The following CNTNAP2 variants were observed in gnomAD, a reference collection of about 807,000 sequenced individuals.
CNTNAP2 encodes the protein contactin-associated protein-like 2.
In CNTNAP2, 98 loss-of-function variants were observed where a neutral mutation model predicts 155.2. The observed-to-expected ratio is 0.63, with a 90% confidence interval of 0.54 to 0.75. CNTNAP2 has a LOEUF of 0.75. Ranked by LOEUF, CNTNAP2 falls within the 30% of genes least tolerant of loss-of-function variation. The pLI is 0.00. For synonymous variants in CNTNAP2, 651 were observed against 631.2 expected, an observed-to-expected ratio of 1.03 and a Z score of -0.47; for missense variants, 1,727 against 1,688.1, an observed-to-expected ratio of 1.02 and a Z score of -0.40.
chr7:147,507,967 G>A (rs368112187), intron 11 of CNTNAP2, among the ~76,000 whole-genome samples: 4 of 152,076 alleles, frequency 2.6e-5, no homozygotes, highest in African/African-American at 9.6e-5. Flanking sequence ...TTTTTCTTTA[G>A]CCTTGTCCTC....
chr7:148,048,501 G>A lies in CNTNAP2; in HGVS notation c.2384-69617G>A, dbSNP rs1218995778. On this transcript the variant is annotated intron_variant, in intron 15 of 23. Transcript: ENST00000361727. ...TTCACAGAATCCAGTCCAATGGCAG[G>A]GAGGCTGGGTGAGGGTCAGTGTCAG... is the stretch of plus-strand genomic sequence containing the variant. Among the ~76,000 whole-genome samples, 4 of 152,144 alleles carry A rather than the reference G, an allele frequency of 2.6e-5. No homozygotes were observed. In the East Asian group the frequency reaches 7.7e-4, roughly 29 times the overall value.
intron 15 of CNTNAP2, among the ~76,000 whole-genome samples, chr7:148,006,407 C>T (rs1801980929): frequency 6.7e-6 from 1 of 149,642 alleles, no homozygotes; most frequent in Non-Finnish European, 1.5e-5. Context: ...GCAACCTCTG[C>T]CTCCCAGGTT....
At chr7:147,461,225 C>T (rs1798017850) in intron 10 of CNTNAP2, among the ~76,000 whole-genome samples, 1 of 152,084 alleles carries the variant, frequency 6.6e-6, no homozygotes, top group East Asian at 1.9e-4. Context: ...TGCCAATAAA[C>T]TCAAGTTTAG....
chr7:147,596,917 A>G (rs1044884675), intron 12 of CNTNAP2, among the ~76,000 whole-genome samples: 1 of 152,182 alleles, frequency 6.6e-6, no homozygotes, highest in African/African-American at 2.4e-5. Context: ...CGCTCCCTCC[A>G]GAGTCATGAC....
At chr7:147,617,013 T>C (rs556964180) in intron 12 of CNTNAP2, among the ~76,000 whole-genome samples, 3 of 152,300 alleles carry the variant, frequency 2.0e-5, no homozygotes, top group South Asian at 4.1e-4. Flanking sequence ...TGCAATCTTA[T>C]AGCCCACTAT....
At chr7:146,163,244 G>T (rs962186995) in intron 1 of CNTNAP2, among the ~76,000 whole-genome samples, 1 of 151,642 alleles carries the variant, frequency 6.6e-6, no homozygotes, top group Non-Finnish European at 1.5e-5. Flanking sequence ...AATTTTCTTT[G>T]TTACATTCTT....
intron 13 of CNTNAP2, among the ~76,000 whole-genome samples, chr7:147,724,691 A>G (rs569488607): frequency 6.6e-6 from 1 of 152,192 alleles, no homozygotes; most frequent in South Asian, 2.1e-4. Context: ...CCTTCTGGAT[A>G]ATACGCTGCA....
chr7:147,745,857 T>C (rs1388879150), intron 13 of CNTNAP2, among the ~76,000 whole-genome samples: 1 of 152,236 alleles, frequency 6.6e-6, no homozygotes, highest in African/African-American at 2.4e-5. Flanking sequence ...AAGATCCTTT[T>C]CATTTTGAAC....
rs1322866077 is a variant in CNTNAP2, at chr7:147,331,595, A to G, written c.1498+31305A>G. 4.6e-5 allele frequency among the ~76,000 whole-genome samples: 7 copies of G among 152,060 alleles called. No homozygotes were observed. The East Asian group carries it at 1.4e-3, about 30-fold the overall frequency. Reference sequence around the variant, plus strand: ...GACAGCAGCATTAAGGAGTGGACAGAGGAGACAGAGACACAAATGAGACTT... The same window carrying G: ...GACAGCAGCATTAAGGAGTGGACAGGGGAGACAGAGACACAAATGAGACTT... On this transcript the variant is annotated intron_variant, in intron 9 of 23. Transcript: ENST00000361727.
rs572272852 is a variant in CNTNAP2 at position 147,967,805 on chromosome 7, G to C, written c.2256-10057G>C. ...CAGAGCCAAGGTAGGGTTTGCCTTT[G>C]CAAATCTAAGTCTTGTACCCCTTTC... On this transcript the variant is annotated intron_variant, in intron 14 of 23. Coordinates refer to ENST00000361727, the MANE Select transcript of CNTNAP2 (RefSeq NM_014141.6). 4.6e-5 allele frequency among the ~76,000 whole-genome samples: 7 copies of C among 152,202 alleles called. No individual in the cohort carries two copies. The South Asian group carries it at 1.5e-3, about 32-fold the overall frequency.
At chr7:146,136,271 C>A (rs1797796269) in intron 1 of CNTNAP2, among the ~76,000 whole-genome samples, 1 of 152,130 alleles carries the variant, frequency 6.6e-6, no homozygotes. Flanking sequence ...TGGCAGATGG[C>A]TGCCAATAGT....
intron 1 of CNTNAP2, among the ~76,000 whole-genome samples, chr7:146,653,377 TATA>T (rs202081617): frequency 1.3e-5 from 2 of 152,162 alleles, no homozygotes; most frequent in East Asian, 3.9e-4. Flanking sequence ...CACCCCAAAA[TATA>T]ATAGCGAACA....
chr7:147,043,422 A>G (rs545516709), intron 3 of CNTNAP2, among the ~76,000 whole-genome samples: 9 of 152,308 alleles, frequency 5.9e-5, no homozygotes, highest in Middle Eastern at 6.8e-3. Context: ...TGTCTACTCC[A>G]ATAAAAGGTA....
intron 1 of CNTNAP2, among the ~76,000 whole-genome samples, chr7:146,504,679 A>T (rs80107393): frequency 0.065 from 9,828 of 152,238 alleles, 776 homozygotes; most frequent in African/African-American, 0.19. Context: ...GGCTCATCAC[A>T]CTTGCAAAAA....
intron 1 of CNTNAP2, among the ~76,000 whole-genome samples, chr7:146,770,317 T>TACAC (rs60507060): frequency 0.035 from 5,019 of 143,718 alleles, 155 homozygotes; most frequent in African/African-American, 0.084. Flanking sequence ...TGTGTGTGTA[T>TACAC]ACACACACAC....
intron 14 of CNTNAP2, among the ~76,000 whole-genome samples, chr7:147,946,676 C>T (rs1335656472): frequency 1.3e-5 from 2 of 151,864 alleles, no homozygotes; most frequent in African/African-American, 4.8e-5. Context: ...CAGAAGAGTA[C>T]GTGAGAAGGA....
intron 3 of CNTNAP2, among the ~76,000 whole-genome samples, chr7:146,888,936 T>A (rs1196322609): frequency 6.6e-6 from 1 of 152,040 alleles, no homozygotes; most frequent in Non-Finnish European, 1.5e-5. Flanking sequence ...ACAGTGCCTA[T>A]AGCTAATGAT....
intron 13 of CNTNAP2, among the ~76,000 whole-genome samples, chr7:147,684,779 A>G (rs1253338588): frequency 6.6e-6 from 1 of 151,974 alleles, no homozygotes; most frequent in Non-Finnish European, 1.5e-5. Context: ...ACTACATTGA[A>G]TGAGAGTTTA....
At position 147,298,252 on chromosome 7, in the gene CNTNAP2, A is replaced by G. The variant is rs185725865; in HGVS notation, c.1349-1889A>G. Among the ~76,000 whole-genome samples the G allele has an allele frequency of 1.8e-3, 272 of 152,046 alleles. 1 individual carries two copies. The highest frequency in any genetic ancestry group is 6.2e-3 in the African/African-American group (257 of 41,488). On this transcript the variant is annotated intron_variant, in intron 8 of 23. Transcript: ENST00000361727. ...AGGACCAGCCTGACATGGTGAAACC[A>G]TGTCTCTACTAAAAATACAAAATTA...
Sources: gnomAD v4.1 joint callset for allele counts (sites outside exome capture counted in the v4.1 genomes callset) on GRCh38, gnomAD v4.1.1 for gene constraint, MANE v1.5 for transcripts, NCBI Gene and HGNC (gene_info 2026-07-23, HGNC 2026-07-21) for gene names.